KSR2: variants seen among roughly 807,000 people sequenced by gnomAD.
The protein encoded by KSR2 is kinase suppressor of ras 2.
KSR2 carries 25 observed loss-of-function variants against 107.8 expected under a neutral mutation model. The ratio of observed to expected loss-of-function variants is 0.23; its 90% confidence interval spans 0.17 to 0.32. The LOEUF (loss-of-function observed/expected upper bound fraction) is 0.32, where lower values mean the gene tolerates loss of function less well. Among genes scored for constraint, KSR2 ranks in the 10% least tolerant of loss-of-function variants. KSR2 has a pLI of 1.00. For synonymous variants in KSR2, 480 were observed against 507.0 expected (o/e 0.95, Z 0.71); for missense variants, 887 against 1,268.9 (o/e 0.70, Z 4.57).
At chr12:117,856,104 A>G (rs1893093333) in intron 2 of KSR2, among the ~76,000 whole-genome samples, 1 of 152,142 alleles carries the variant, frequency 6.6e-6, no homozygotes, top group Non-Finnish European at 1.5e-5. Context: ...CCTAATGGAA[A>G]AGGGGCTGAA....
chr12:117,733,046 A>G (rs1887794099), intron 4 of KSR2, among the ~76,000 whole-genome samples: 2 of 152,166 alleles, frequency 1.3e-5, no homozygotes, highest in African/African-American at 4.8e-5. Context: ...CATACCTGCA[A>G]GAATTAATTA....
rs115977825 is a variant in KSR2 at position 117,579,262 on chromosome 12, G to A, written c.1242-60C>T. On this transcript the variant is annotated intron_variant, in intron 6 of 19. Coordinates refer to ENST00000339824, the MANE Select transcript of KSR2 (RefSeq NM_173598.6). ...GGAAATGGCGACTGACCTATCTCTA[G>A]AGGGATGAAGTACTTGAAGAGCAAG... 3,641 of 1,158,332 alleles carry A rather than the reference G, an allele frequency of 3.1e-3. 88 individuals carry two copies. In the African/African-American group the frequency reaches 0.048, roughly 15 times the overall value. 71.8% of individuals were successfully genotyped at this position (1,158,332 alleles called of 1,614,324 possible).
chr12:117,763,590 T>C (rs1889124610), intron 3 of KSR2, among the ~76,000 whole-genome samples: 1 of 152,156 alleles, frequency 6.6e-6, no homozygotes, highest in Admixed American at 6.5e-5. Flanking sequence ...TGTTCACAAC[T>C]GTGTGATGAC....
At chr12:117,890,535 C>T (rs931854805) in intron 1 of KSR2, among the ~76,000 whole-genome samples, 1 of 152,210 alleles carries the variant, frequency 6.6e-6, no homozygotes, top group African/African-American at 2.4e-5. Context: ...AATAAGCTCA[C>T]TATTTAAAGG....
At chr12:117,853,170 G>T (rs1251041667) in intron 3 of KSR2, among the ~76,000 whole-genome samples, 2 of 152,102 alleles carry the variant, frequency 1.3e-5, no homozygotes, top group Non-Finnish European at 2.9e-5. Flanking sequence ...TAGCCACGGG[G>T]GTCCCCAAAG....
intron 1 of KSR2, among the ~76,000 whole-genome samples, chr12:117,948,710 C>T (rs558134113): frequency 6.6e-6 from 1 of 152,242 alleles, no homozygotes; most frequent in South Asian, 2.1e-4. Context: ...AATGCACACA[C>T]ACAAAAAATG....
At position 117,915,597 on chromosome 12, in the gene KSR2, C is replaced by CTGA. The variant is rs1019924093; in HGVS notation, c.180+52476_180+52478dup. Reference sequence around the variant, plus strand: ...CACAGATGGGGCCCCAGCCATCAGGCTGATCACAGACAAAAATCCCAGGAA... The same window carrying CTGA: ...CACAGATGGGGCCCCAGCCATCAGGCTGATGATCACAGACAAAAATCCCAGGAA... On this transcript the variant is annotated intron_variant, in intron 1 of 19. Transcript: ENST00000339824. Among the ~76,000 whole-genome samples, 13 of 152,160 alleles carry CTGA rather than the reference C, an allele frequency of 8.5e-5. 1 individual carries two copies. The highest frequency in any genetic ancestry group is 1.6e-4 in the Non-Finnish European group (11 of 68,014).
At chr12:117,701,061 C>T (rs1422839397) in intron 4 of KSR2, among the ~76,000 whole-genome samples, 1 of 152,148 alleles carries the variant, frequency 6.6e-6, no homozygotes, top group Non-Finnish European at 1.5e-5. Context: ...TCCATCTGCA[C>T]AATAGGAGGA....
At chr12:117,805,060 A>G (rs1469094326) in intron 3 of KSR2, among the ~76,000 whole-genome samples, 2 of 152,158 alleles carry the variant, frequency 1.3e-5, no homozygotes, top group Admixed American at 6.5e-5. Flanking sequence ...AGGATGTGGG[A>G]CTTTCAGTAC....
intron 3 of KSR2, among the ~76,000 whole-genome samples, chr12:117,843,668 C>T (rs1892585720): frequency 6.6e-6 from 1 of 152,198 alleles, no homozygotes. Flanking sequence ...TCTTCCCTAC[C>T]TCACAGCCAA....
chr12:117,942,305 C>T (rs1416926104), intron 1 of KSR2, among the ~76,000 whole-genome samples: 2 of 152,022 alleles, frequency 1.3e-5, no homozygotes, highest in Admixed American at 1.3e-4. Context: ...CAGCCTACTG[C>T]GCTATCAAAC....
chr12:117,580,811 T>C (rs1408891102), intron 6 of KSR2, among the ~76,000 whole-genome samples: 1 of 151,812 alleles, frequency 6.6e-6, no homozygotes, highest in Non-Finnish European at 1.5e-5. Context: ...GCCAGGGGCA[T>C]GGCCAATCCA....
intron 16 of KSR2, among the ~76,000 whole-genome samples, chr12:117,482,151 G>T (rs2137136009): frequency 6.6e-6 from 1 of 152,076 alleles, no homozygotes; most frequent in South Asian, 2.1e-4. Context: ...GTGTGAGGAA[G>T]CCCAATGTAG....
chr12:117,479,424 G>T (rs563198125), intron 16 of KSR2, among the ~76,000 whole-genome samples: 25 of 152,266 alleles, frequency 1.6e-4, no homozygotes, highest in African/African-American at 5.8e-4. Flanking sequence ...TCTCAACCTT[G>T]GCACTATTGA....
intron 5 of KSR2, among the ~76,000 whole-genome samples, chr12:117,610,738 C>CGAA (rs1881546997): frequency 9.0e-6 from 1 of 110,880 alleles, no homozygotes; most frequent in Non-Finnish European, 1.7e-5. Context: ...GACCCTGTCT[C>CGAA]AAAAAAAAAA....
At chr12:117,787,602 C>T (rs1890123866) in intron 3 of KSR2, among the ~76,000 whole-genome samples, 1 of 152,020 alleles carries the variant, frequency 6.6e-6, no homozygotes, top group African/African-American at 2.4e-5. Context: ...CACTGCACTC[C>T]AGCCTTGGCA....
chr12:117,866,529 T>A (rs1893475492), intron 1 of KSR2, among the ~76,000 whole-genome samples: 1 of 152,210 alleles, frequency 6.6e-6, no homozygotes, highest in African/African-American at 2.4e-5. Flanking sequence ...ACATGTATGT[T>A]AAAAAATTGA....
At chr12:117,523,301 C>A (rs1420678089) in intron 14 of KSR2, among the ~76,000 whole-genome samples, 1 of 152,200 alleles carries the variant, frequency 6.6e-6, no homozygotes, top group Non-Finnish European at 1.5e-5. Flanking sequence ...AGATGCAAGA[C>A]TTGTGCATTT....
rs140628930 is a variant in KSR2, at chr12:117,754,672, G to A, written c.986+6339C>T. 5.9e-3 allele frequency among the ~76,000 whole-genome samples: 892 copies of A among 151,362 alleles called. 14 individuals are homozygous for A. The highest frequency in any genetic ancestry group is 0.02 in the African/African-American group (832 of 41,182). On this transcript the variant is annotated intron_variant, in intron 4 of 19. Transcript: ENST00000339824. ...AAAAATTAGCTTGGGGTGGTGGCAGGTGCCTGTAATCCCAGCTACTTGGGA... is the reference window on the plus strand; with the variant it reads ...AAAAATTAGCTTGGGGTGGTGGCAGATGCCTGTAATCCCAGCTACTTGGGA...
Sources: gnomAD v4.1 joint callset for allele counts (sites outside exome capture counted in the v4.1 genomes callset) on GRCh38, gnomAD v4.1.1 for gene constraint, MANE v1.5 for transcripts, NCBI Gene and HGNC (gene_info 2026-07-23, HGNC 2026-07-21) for gene names.